ERCC1: variants seen among roughly 807,000 people sequenced by gnomAD.
The protein encoded by ERCC1 is DNA excision repair protein ERCC-1.
Under a neutral mutation model 37.6 loss-of-function variants are expected in ERCC1, and 36 were observed. The observed-to-expected ratio is 0.96, with a 90% CI of 0.73 to 1.26. The LOEUF is 1.26. ERCC1 is among the 50% of genes most tolerant of loss of function. The probability of loss-of-function intolerance (pLI) is 0.00; values close to 1 mark genes in which losing one functional copy is unlikely to be tolerated. For synonymous variants in ERCC1, 156 were observed against 162.1 expected (o/e 0.96, Z 0.28); for missense variants, 349 against 376.5 (o/e 0.93, Z 0.60).
At chr19:45,409,898 T>TTA (rs1568573194) in intron 9 of ERCC1, 173 bp from the exon 10 acceptor site, 23 of 188,954 alleles carry the variant, frequency 1.2e-4, no homozygotes, top group East Asian at 6.9e-4. Context: ...TATTATTATT[T>TTA]TTTTTTTTTT....
At chr19:45,435,954 C>T (rs547530876) in intron 1 of ERCC1, among the ~76,000 whole-genome samples, 1 of 152,084 alleles carries the variant, frequency 6.6e-6, no homozygotes, top group Admixed American at 6.6e-5. Flanking sequence ...TTAGTAGAGA[C>T]GGGGTTTCAC....
chr19:45,431,192 C>T (rs530655139), intron 1 of ERCC1, among the ~76,000 whole-genome samples: 1 of 152,300 alleles, frequency 6.6e-6, no homozygotes, highest in African/African-American at 2.4e-5. Flanking sequence ...TTGCAACAGA[C>T]CAAATGCAGA....
chr19:45,440,976 C>CA (rs1975105357), intron 1 of ERCC1, among the ~76,000 whole-genome samples: 1 of 152,154 alleles, frequency 6.6e-6, no homozygotes, highest in African/African-American at 2.4e-5. Context: ...CTCCTGGCCT[C>CA]AAGCTATCCT....
chr19:45,439,538 A>AATAATC (rs1296018466), intron 1 of ERCC1, among the ~76,000 whole-genome samples: 2 of 152,198 alleles, frequency 1.3e-5, no homozygotes, highest in African/African-American at 4.8e-5. Flanking sequence ...ATCTCAAAGA[A>AATAATC]ATAATCATAA....
At chr19:45,412,797 T>C (rs935019095) in intron 9 of ERCC1, among the ~76,000 whole-genome samples, 1 of 151,738 alleles carries the variant, frequency 6.6e-6, no homozygotes, top group East Asian at 1.9e-4. Flanking sequence ...TGGAGTGCAA[T>C]GGCGCTATCT....
chr19:45,408,941 C>T lies in ERCC1; in HGVS notation c.*734G>A, dbSNP rs769915095. 5 of 1,614,012 alleles carry T rather than the reference C, an allele frequency of 3.1e-6. No homozygotes were observed. Among genetic ancestry groups the T allele is most frequent in the South Asian group, 1.1e-5 (1 of 91,084 alleles). On this transcript the variant is annotated 3_prime_UTR_variant, in exon 10 of 10. Transcript: ENST00000300853. The stretch of plus-strand genomic sequence containing the variant: ...GCCACTGGAGGAAGCCATCCCTCTG[C>T]CCCCTACGAAGAAGAGGAAAAAAGA...
chr19:45,419,124 G>C lies in ERCC1; in HGVS notation c.499C>G (p.Arg167Gly). ...LQSLGKNFAL[R>G]VLLVQVDVKD... ...ACATCCACCTGGACAAGCAGGACCCGCAAGGCGAAGTTCTTCCCCAGGCTC... is the reference window on the plus strand; with the variant it reads ...ACATCCACCTGGACAAGCAGGACCCCCAAGGCGAAGTTCTTCCCCAGGCTC... Residue 167 changes from arginine to glycine, a missense_variant, in exon 5 of 10, where the codon CGG (arginine) becomes GGG (glycine). Arg to Gly is a moderately radical substitution (Grantham distance 125, BLOSUM62 -2). Transcript: ENST00000300853. 1.3e-6 allele frequency: 2 copies of C among 1,588,530 alleles called. No homozygotes were observed. The highest frequency in any genetic ancestry group is 2.7e-5 in the African/African-American group (2 of 74,628).
intron 9 of ERCC1, chr19:45,413,361 G>A: frequency 3.4e-6 from 2 of 590,636 alleles, no homozygotes; most frequent in South Asian, 4.1e-5. Context: ...CAACCTCCTG[G>A]GCTCAAGCGA....
chr19:45,437,282 G>GTA (rs72463307), intron 1 of ERCC1, among the ~76,000 whole-genome samples: 3,350 of 150,512 alleles, frequency 0.022, 113 homozygotes, highest in African/African-American at 0.077. Flanking sequence ...ATGTGTGTGT[G>GTA]TATATATATA....
In ERCC1 at chr19:45,409,699, G is replaced by T. The variant is rs374407868; in HGVS notation, c.870C>A (p.His290Gln). 7 of 958,468 alleles carry T rather than the reference G, an allele frequency of 7.3e-6. No homozygotes were observed. The highest frequency in any genetic ancestry group is 1.2e-5 in the Non-Finnish European group (7 of 581,394). The allele number at this position is 958,468 out of a possible 1,614,324, so 59.4% of individuals were successfully genotyped here. A position where few individuals can be genotyped will look rare whatever the true frequency, so the allele number is the denominator to read the frequency against. ...QKARRLFDVL[H>Q]EPFLKVP ...ATCAGGGTACTTTCAAGAAGGGCTC[G>T]TGCAGGACATCAAACAGCCTCCGGG... The change falls in exon 10 of 10, where the codon CAC becomes CAA. Residue 290 changes from histidine to glutamine, a missense_variant. By Grantham distance (24) the His-to-Gln change is conservative. Coordinates refer to ENST00000300853, the MANE Select transcript of ERCC1 (RefSeq NM_001983.4).
At chr19:45,419,525 G>A (rs889124523) in intron 4 of ERCC1, 38 of 358,234 alleles carry the variant, frequency 1.1e-4, no homozygotes, top group African/African-American at 5.0e-4. Flanking sequence ...TGCATGGCTC[G>A]CGGTGGGAAG....
At chr19:45,435,685 T>A (rs528960481) in intron 1 of ERCC1, among the ~76,000 whole-genome samples, 35 of 152,270 alleles carry the variant, frequency 2.3e-4, no homozygotes, top group South Asian at 1.9e-3. Context: ...CTCAAACTGC[T>A]GGCCTCAAGG....
intron 2 of ERCC1, among the ~76,000 whole-genome samples, chr19:45,422,055 C>A (rs185480699): frequency 6.6e-6 from 1 of 152,186 alleles, no homozygotes; most frequent in African/African-American, 2.4e-5. Flanking sequence ...CTGGTCCCAG[C>A]CACCAGCGTT....
intron 1 of ERCC1, among the ~76,000 whole-genome samples, chr19:45,438,641 T>C (rs1461822264): frequency 6.7e-6 from 1 of 150,210 alleles, no homozygotes; most frequent in Non-Finnish European, 1.5e-5. Flanking sequence ...TTTTTATTTA[T>C]TATTATTATT....
At chr19:45,413,001 A>T (rs1212691802) in intron 9 of ERCC1, among the ~76,000 whole-genome samples, 1 of 152,114 alleles carries the variant, frequency 6.6e-6, no homozygotes, top group African/African-American at 2.4e-5. Context: ...TCAGCCTCTC[A>T]AAGTGCTGGG....
At position 45,416,753 on chromosome 19, in the gene ERCC1, G is replaced by C; in HGVS notation, c.602+68C>G. 3 of 1,186,624 alleles carry C rather than the reference G, an allele frequency of 2.5e-6. No homozygotes were observed. In the South Asian group the frequency reaches 3.8e-5, roughly 15 times the overall value. The allele number at this position is 1,186,624 out of a possible 1,614,324, so 73.5% of individuals were successfully genotyped here. A position where few individuals can be genotyped will look rare whatever the true frequency, so the allele number is the denominator to read the frequency against. On this transcript the variant is annotated intron_variant, in intron 6 of 9. Coordinates refer to ENST00000300853, the MANE Select transcript of ERCC1 (RefSeq NM_001983.4). ...GAAGGAGAAGGGAAGGGCTGGGCAG[G>C]GTGGGATGGGGGAGCAGGGACCAAT...
At chr19:45,418,061 T>TA (rs1974166786) in intron 5 of ERCC1, among the ~76,000 whole-genome samples, 2 of 151,404 alleles carry the variant, frequency 1.3e-5, no homozygotes, top group Non-Finnish European at 2.9e-5. Flanking sequence ...ACCCTGTCTC[T>TA]AAAAATTAAA....
intron 7 of ERCC1, chr19:45,414,434 G>A: frequency 2.9e-6 from 1 of 349,888 alleles, no homozygotes. Flanking sequence ...CCGAGATCAT[G>A]TCATTGCACT....
chr19:45,446,357 G>A (rs1213170455), intron 1 of ERCC1, among the ~76,000 whole-genome samples: 1 of 152,136 alleles, frequency 6.6e-6, no homozygotes, highest in East Asian at 1.9e-4. Context: ...AGGCCTTTGA[G>A]TTAAGAGAGG....
Sources: allele counts gnomAD v4.1 joint callset (sites outside exome capture counted in the v4.1 genomes callset), GRCh38; gene constraint gnomAD v4.1.1; transcripts MANE v1.5; gene names NCBI Gene and HGNC (gene_info 2026-07-23, HGNC 2026-07-21).